Variants in CSMD1 observed in about 807,000 individuals in gnomAD.
The protein encoded by CSMD1 is CUB and Sushi multiple domains 1, also known as CUB and sushi domain-containing protein 1.
CSMD1 carries 213 observed loss-of-function variants against 417.5 expected under a neutral mutation model. That is an observed-to-expected ratio of 0.51 (90% CI 0.46 to 0.57). The LOEUF (loss-of-function observed/expected upper bound fraction) is 0.57, where lower values mean the gene tolerates loss of function less well. Among genes scored for constraint, CSMD1 ranks in the 20% least tolerant of loss-of-function variants. The pLI is 0.00. For synonymous variants in CSMD1, 2,862 were observed against 1,736.8 expected (o/e 1.65, Z -16.11); for missense variants, 6,923 against 4,529.7 (o/e 1.53, Z -15.17).
intron 3 of CSMD1, among the ~76,000 whole-genome samples, chr8:4,106,543 G>A (rs560956653): frequency 6.6e-6 from 1 of 152,020 alleles, no homozygotes; most frequent in Non-Finnish European, 1.5e-5. Flanking sequence ...AAATTTAAGA[G>A]AAGCCACATT....
chr8:4,617,272 CCTT>C (rs1801523731), intron 2 of CSMD1, among the ~76,000 whole-genome samples: 1 of 152,230 alleles, frequency 6.6e-6, no homozygotes, highest in Middle Eastern at 3.4e-3. Flanking sequence ...ACTTGCTTCA[CCTT>C]CTTTTGTTGG....
intron 23 of CSMD1, among the ~76,000 whole-genome samples, chr8:3,317,157 T>C (rs1435037377): frequency 1.3e-5 from 2 of 152,142 alleles, no homozygotes; most frequent in African/African-American, 4.8e-5. Context: ...AGGAGAATCA[T>C]CAGCATTGTT....
intron 3 of CSMD1, among the ~76,000 whole-genome samples, chr8:4,294,351 T>A (rs1372448792): frequency 6.6e-6 from 1 of 152,186 alleles, no homozygotes; most frequent in Admixed American, 6.5e-5. Flanking sequence ...AACCCAAGAT[T>A]CTAGAGACAG....
intron 6 of CSMD1, among the ~76,000 whole-genome samples, chr8:3,709,615 G>C (rs765999760): frequency 4.0e-5 from 6 of 148,390 alleles, no homozygotes; most frequent in Non-Finnish European, 5.9e-5. Flanking sequence ...TAGAACAAAA[G>C]GCTGATCTGC....
intron 26 of CSMD1, among the ~76,000 whole-genome samples, chr8:3,241,834 A>G (rs1799551872): frequency 6.6e-6 from 1 of 151,856 alleles, no homozygotes; most frequent in East Asian, 1.9e-4. Context: ...GGCTGCCTCT[A>G]TTCTATTATT....
At chr8:4,071,554 C>G (rs2554692) in intron 3 of CSMD1, among the ~76,000 whole-genome samples, 24,687 of 152,038 alleles carry the variant, frequency 0.16, 2,074 homozygotes, top group South Asian at 0.36. Flanking sequence ...TAAAATCCTT[C>G]TCCGCTAATT....
chr8:4,353,411 C>A (rs577609131), intron 3 of CSMD1, among the ~76,000 whole-genome samples: 1 of 152,158 alleles, frequency 6.6e-6, no homozygotes, highest in Non-Finnish European at 1.5e-5. Flanking sequence ...CACTAAACCT[C>A]TTTCCTTTAT....
At chr8:3,314,044 C>T (rs1160988636) in intron 23 of CSMD1, among the ~76,000 whole-genome samples, 3 of 151,884 alleles carry the variant, frequency 2.0e-5, no homozygotes, top group African/African-American at 7.3e-5. Flanking sequence ...ACCTCATGTT[C>T]TCACTCATAG....
At chr8:4,577,063 C>A (rs1378178479) in intron 2 of CSMD1, among the ~76,000 whole-genome samples, 1 of 151,944 alleles carries the variant, frequency 6.6e-6, no homozygotes, top group Non-Finnish European at 1.5e-5. Context: ...ACGAACAGGC[C>A]AAAAATGATT....
intron 8 of CSMD1, 128 bp from the exon 9 acceptor site, chr8:3,586,388 A>C: frequency 1.2e-6 from 1 of 850,618 alleles, no homozygotes; most frequent in Non-Finnish European, 1.8e-6. Context: ...ACATTAAGCA[A>C]CTCATTAGGT....
At chr8:3,382,462 T>A (rs1810692992) in intron 18 of CSMD1, among the ~76,000 whole-genome samples, 1 of 139,776 alleles carries the variant, frequency 7.2e-6, no homozygotes, top group Non-Finnish European at 1.5e-5. Flanking sequence ...ATATATATAA[T>A]ATATTATATA....
chr8:3,983,797 T>C lies in CSMD1; in HGVS notation c.818+14106A>G, dbSNP rs192579916. ...CCTCTAGAGCACGTCGCAGTTCTGA[T>C]GGGGCTGTCAAATGCAGCTCCAGAG... is the stretch of plus-strand genomic sequence containing the variant. On this transcript the variant is annotated intron_variant, in intron 5 of 69. Transcript: ENST00000635120. Among the ~76,000 whole-genome samples, 227 of 152,186 alleles carry C rather than the reference T, an allele frequency of 1.5e-3. 1 individual carries two copies. The highest frequency in any genetic ancestry group is 5.1e-3 in the African/African-American group (210 of 41,548).
chr8:3,794,103 C>T (rs538948688), intron 5 of CSMD1, among the ~76,000 whole-genome samples: 12 of 152,258 alleles, frequency 7.9e-5, no homozygotes, highest in South Asian at 4.2e-4. Context: ...AATGCAGGGT[C>T]GCAGGCACAC....
At chr8:3,975,549 C>A (rs1231143043) in intron 5 of CSMD1, among the ~76,000 whole-genome samples, 7 of 152,140 alleles carry the variant, frequency 4.6e-5, no homozygotes, top group Non-Finnish European at 8.8e-5. Context: ...CTCCCACTGT[C>A]GGGATGACGG....
At chr8:2,983,021 G>T (rs143796561) in intron 54 of CSMD1, among the ~76,000 whole-genome samples, 1 of 152,068 alleles carries the variant, frequency 6.6e-6, no homozygotes, top group African/African-American at 2.4e-5. Flanking sequence ...TGCAGGATTC[G>T]TATCTATTCG....
chr8:4,288,686 C>T (rs1201966442), intron 3 of CSMD1, among the ~76,000 whole-genome samples: 2 of 152,164 alleles, frequency 1.3e-5, no homozygotes, highest in African/African-American at 4.8e-5. Context: ...TTTGTAACCT[C>T]GTTGTAGAGT....
intron 2 of CSMD1, among the ~76,000 whole-genome samples, chr8:4,422,111 G>A (rs181794308): frequency 3.3e-5 from 5 of 152,148 alleles, no homozygotes; most frequent in South Asian, 4.1e-4. Context: ...TACATAATAT[G>A]AATTATCCTA....
In CSMD1 at chr8:3,795,767, T is replaced by C. The variant is rs1156731586; in HGVS notation, c.819-41725A>G. On this transcript the variant is annotated intron_variant, in intron 5 of 69. Coordinates refer to ENST00000635120, the MANE Select transcript of CSMD1 (RefSeq NM_033225.6). ...TATAGATACCTATCATGTACAGCTATAGATACCTATCATGTACAGATATAG... is the reference window on the plus strand; with the variant it reads ...TATAGATACCTATCATGTACAGCTACAGATACCTATCATGTACAGATATAG... Among the ~76,000 whole-genome samples the C allele has an allele frequency of 9.1e-5, 6 of 65,658 alleles. 3 individuals are homozygous for C. Among genetic ancestry groups the C allele is most frequent in the Non-Finnish European group, 2.0e-4 (6 of 30,180 alleles). The allele number at this position is 65,658 out of a possible 152,430, so 43.1% of individuals were successfully genotyped here.
chr8:4,901,802 A>G (rs1471405892), intron 1 of CSMD1, among the ~76,000 whole-genome samples: 1 of 152,172 alleles, frequency 6.6e-6, no homozygotes, highest in Non-Finnish European at 1.5e-5. Flanking sequence ...CACAATTGTG[A>G]TTACATATTC....
Sources: allele counts gnomAD v4.1 joint callset (sites outside exome capture counted in the v4.1 genomes callset), GRCh38; gene constraint gnomAD v4.1.1; transcripts MANE v1.5; gene names NCBI Gene and HGNC (gene_info 2026-07-23, HGNC 2026-07-21).